SPAG17: variants seen among roughly 807,000 people sequenced by gnomAD.
The protein encoded by SPAG17 is sperm-associated antigen 17.
Under a neutral mutation model 273.6 loss-of-function variants are expected in SPAG17, and 169 were observed. That is an observed-to-expected ratio of 0.62 (90% CI 0.55 to 0.70). The LOEUF is 0.70. Ranked by LOEUF, SPAG17 falls within the 30% of genes least tolerant of loss-of-function variation. The probability of loss-of-function intolerance (pLI) is 0.00; values close to 1 mark genes in which losing one functional copy is unlikely to be tolerated. For synonymous variants in SPAG17, 825 were observed against 873.2 expected (o/e 0.94, Z 0.97); for missense variants, 2,557 against 2,627.8 (o/e 0.97, Z 0.59).
intron 43 of SPAG17, among the ~76,000 whole-genome samples, chr1:117,977,706 G>A (rs1449756184): frequency 6.6e-6 from 1 of 152,022 alleles, no homozygotes; most frequent in Admixed American, 6.6e-5. Flanking sequence ...CAAGTACCTC[G>A]GTATCTGGGG....
rs749004213 is a variant in SPAG17 at position 118,085,927 on chromosome 1, G to A, written c.1757C>T (p.Thr586Met). The change falls in exon 13 of 49, where the codon ACG becomes ATG. Residue 586 changes from threonine (T) to methionine (M), a missense_variant. Thr to Met is a moderately conservative substitution (Grantham distance 81). Transcript: ENST00000336338. ...ATIHELMHFC[T>M]SDVLSWNEVE... ...AGACAAAGCAATGGACTCACCACTC[G>A]TACAAAAGTGCATAAGCTCATGAAT... 12 of 1,602,690 alleles carry A rather than the reference G, an allele frequency of 7.5e-6. No homozygotes were observed. The highest frequency in any genetic ancestry group is 3.4e-5 in the South Asian group (3 of 88,846).
At chr1:118,034,650 G>A (rs1648863756) in intron 24 of SPAG17, among the ~76,000 whole-genome samples, 1 of 152,194 alleles carries the variant, frequency 6.6e-6, no homozygotes, top group South Asian at 2.1e-4. Context: ...TAGTGGTACA[G>A]CATGAGAAAA....
chr1:118,064,042 T>C (rs761302787), intron 18 of SPAG17, among the ~76,000 whole-genome samples: 2 of 152,180 alleles, frequency 1.3e-5, no homozygotes, highest in Middle Eastern at 6.8e-3. Context: ...TGAGATACCA[T>C]CTCACACCAG....
intron 48 of SPAG17, chr1:117,956,918 A>G (rs367579371): frequency 5.2e-6 from 3 of 578,518 alleles, no homozygotes; most frequent in African/African-American, 1.9e-5. Context: ...AAAGAGAGTC[A>G]TCTAGCTTAC....
At chr1:118,089,132 G>A (rs1238280395) in intron 10 of SPAG17, among the ~76,000 whole-genome samples, 1 of 152,150 alleles carries the variant, frequency 6.6e-6, no homozygotes, top group East Asian at 1.9e-4. Flanking sequence ...ACAAGGTGAT[G>A]TGGTAGAGAG....
intron 23 of SPAG17, among the ~76,000 whole-genome samples, chr1:118,038,104 G>C (rs1649298189): frequency 6.6e-6 from 1 of 152,068 alleles, no homozygotes. Flanking sequence ...ATAAAAACCT[G>C]ATTAAAAAAT....
intron 20 of SPAG17, among the ~76,000 whole-genome samples, chr1:118,042,547 C>T (rs1396729887): frequency 6.6e-6 from 1 of 152,132 alleles, no homozygotes; most frequent in East Asian, 1.9e-4. Context: ...AGCCTGTCCT[C>T]ACATAGACTT....
chr1:118,042,059 G>C lies in SPAG17; in HGVS notation c.2815-17C>G, dbSNP rs1255735243. 6.3e-6 allele frequency: 10 copies of C among 1,591,752 alleles called. No homozygotes were observed. The highest frequency in any genetic ancestry group is 8.5e-6 in the Non-Finnish European group (10 of 1,174,482). On this transcript the variant is annotated splice_polypyrimidine_tract_variant and intron_variant, in intron 20 of 48. Coordinates refer to ENST00000336338, the MANE Select transcript of SPAG17 (RefSeq NM_206996.4). Reference sequence around the variant, plus strand: ...TTTCCATGCCTGTAAACACATTTAAGAAATTTAACAGGATTTTTAAACGAA... The same window carrying C: ...TTTCCATGCCTGTAAACACATTTAACAAATTTAACAGGATTTTTAAACGAA...
Position 118,081,263 on chromosome 1 carries a change from G to C in SPAG17, c.2047C>G (p.Gln683Glu). ...FVDQNLSMSV[Q>E]DNESNREPSD... is the part of the protein sequence containing the mutation. ...GGTTCTCGGTTGCTTTCATTATCTT[G>C]CACAGACATTGACAAATTCTGATCC... Residue 683 changes from glutamine (Q) to glutamate (E), a missense_variant, in exon 15 of 49, where the codon CAA becomes GAA. Transcript: ENST00000336338. 6.2e-7 allele frequency: 1 copy of C among 1,614,014 alleles called. No individual in the cohort carries two copies. The highest frequency in any genetic ancestry group is 8.5e-7 in the Non-Finnish European group (1 of 1,179,984).
chr1:118,107,635 C>T (rs1258739976), intron 4 of SPAG17, among the ~76,000 whole-genome samples: 2 of 152,122 alleles, frequency 1.3e-5, no homozygotes, highest in African/African-American at 2.4e-5. Flanking sequence ...GCTGGGACAA[C>T]AGCTGCATGC....
chr1:118,149,384 T>G (rs1659248427), intron 3 of SPAG17, among the ~76,000 whole-genome samples: 1 of 152,110 alleles, frequency 6.6e-6, no homozygotes, highest in South Asian at 2.1e-4. Flanking sequence ...GAAAGAATCT[T>G]TTGGGGGGTT....
chr1:117,974,175 G>T (rs1348481704), intron 43 of SPAG17, among the ~76,000 whole-genome samples: 2 of 152,068 alleles, frequency 1.3e-5, no homozygotes, highest in Non-Finnish European at 2.9e-5. Flanking sequence ...TTCTGTGGGT[G>T]TATATCTAGT....
At chr1:118,138,167 A>T (rs1658468334) in intron 3 of SPAG17, among the ~76,000 whole-genome samples, 1 of 152,222 alleles carries the variant, frequency 6.6e-6, no homozygotes, top group South Asian at 2.1e-4. Flanking sequence ...AACAGACTCA[A>T]TTATAACCAC....
intron 4 of SPAG17, among the ~76,000 whole-genome samples, chr1:118,103,526 A>G (rs758868511): frequency 1.1e-4 from 16 of 152,278 alleles, no homozygotes; most frequent in Non-Finnish European, 2.1e-4. Context: ...GAGCACAGGT[A>G]AGGTACAGAA....
intron 31 of SPAG17, among the ~76,000 whole-genome samples, chr1:118,007,798 T>C (rs1458492074): frequency 6.6e-6 from 1 of 152,208 alleles, no homozygotes; most frequent in Non-Finnish European, 1.5e-5. Context: ...ACATTTTGGT[T>C]TATAACCTTG....
chr1:118,103,723 T>C (rs1301970727), intron 4 of SPAG17, among the ~76,000 whole-genome samples: 1 of 152,120 alleles, frequency 6.6e-6, no homozygotes, highest in African/African-American at 2.4e-5. Context: ...AGTGTCGTTA[T>C]AGAAACACAA....
At chr1:117,959,052 G>A (rs375575689) in intron 48 of SPAG17, 1 of 1,561,306 alleles carries the variant, frequency 6.4e-7, no homozygotes, top group Middle Eastern at 1.7e-4. Context: ...TTCCTAGTGT[G>A]ATTTAGAAAT....
intron 3 of SPAG17, among the ~76,000 whole-genome samples, chr1:118,137,838 A>G (rs1342165884): frequency 2.0e-5 from 3 of 152,222 alleles, no homozygotes; most frequent in Non-Finnish European, 4.4e-5. Flanking sequence ...CAATCCTCCC[A>G]GCCTATACCC....
chr1:117,968,661 G>T (rs1184316245), intron 46 of SPAG17, among the ~76,000 whole-genome samples: 2 of 152,164 alleles, frequency 1.3e-5, no homozygotes, highest in Non-Finnish European at 2.9e-5. Flanking sequence ...CTGCTTGATG[G>T]CATAGTCGTG....
Sources: allele counts gnomAD v4.1 joint callset (sites outside exome capture counted in the v4.1 genomes callset), GRCh38; gene constraint gnomAD v4.1.1; transcripts MANE v1.5; gene names NCBI Gene and HGNC (gene_info 2026-07-23, HGNC 2026-07-21).